The following MAGI3 variants were observed in gnomAD, a reference collection of about 807,000 sequenced individuals.
The protein encoded by MAGI3 is membrane-associated guanylate kinase, WW and PDZ domain-containing protein 3.
MAGI3 carries 43 observed loss-of-function variants against 121.8 expected under a neutral mutation model. The observed-to-expected ratio is 0.35, with a 90% confidence interval of 0.28 to 0.46. The LOEUF is 0.46. MAGI3 is among the 20% of genes least tolerant of loss of function. MAGI3 has a pLI of 1.00. For synonymous variants in MAGI3, 553 were observed against 639.3 expected, an observed-to-expected ratio of 0.86 and a Z score of 2.04; for missense variants, 1,547 against 1,797.3, an observed-to-expected ratio of 0.86 and a Z score of 2.52.
intron 15 of MAGI3, among the ~76,000 whole-genome samples, chr1:113,656,568 C>T (rs1389980420): frequency 6.6e-6 from 1 of 152,076 alleles, no homozygotes; most frequent in Non-Finnish European, 1.5e-5. Context: ...CATGTGCCAA[C>T]ACACCTGGCT....
intron 1 of MAGI3, among the ~76,000 whole-genome samples, chr1:113,425,273 ATTTTTTTTT>A (rs949045641): frequency 3.0e-4 from 26 of 86,894 alleles, no homozygotes; most frequent in South Asian, 1.1e-3. Flanking sequence ...TACAAATTCA[ATTTTTTTTT>A]TTTTTTTTTT....
At chr1:113,401,026 A>G (rs752588017) in intron 1 of MAGI3, among the ~76,000 whole-genome samples, 1 of 152,148 alleles carries the variant, frequency 6.6e-6, no homozygotes, top group Non-Finnish European at 1.5e-5. Context: ...TTTGGTTTAT[A>G]AGGATGTATA....
intron 9 of MAGI3, among the ~76,000 whole-genome samples, chr1:113,633,174 A>G (rs1262936620): frequency 7.6e-6 from 1 of 131,882 alleles, no homozygotes; most frequent in African/African-American, 2.9e-5. Flanking sequence ...TGTTCTTGTG[A>G]TATTTTACTG....
At chr1:113,672,052 G>A (rs1331776740) in intron 17 of MAGI3, among the ~76,000 whole-genome samples, 2 of 152,102 alleles carry the variant, frequency 1.3e-5, no homozygotes, top group Non-Finnish European at 2.9e-5. Context: ...TCCATCCCAG[G>A]CACAGCATAA....
intron 16 of MAGI3, among the ~76,000 whole-genome samples, chr1:113,665,588 A>G (rs920288080): frequency 1.3e-5 from 2 of 152,116 alleles, no homozygotes; most frequent in South Asian, 4.1e-4. Context: ...ATAAATATAT[A>G]TGTGTGTATG....
Position 113,566,685 on chromosome 1 carries a change from G to A in MAGI3, c.434-13857G>A, listed in dbSNP as rs1037127636. Among the ~76,000 whole-genome samples the A allele has an allele frequency of 3.3e-5, 5 of 152,186 alleles. No homozygotes were observed. In the East Asian group the frequency reaches 9.6e-4, roughly 29 times the overall value. ...TTTGCAAATACATGGAAAGTAAACA[G>A]TGTGTTCTTAAACAACCAGTGGATC... is the stretch of plus-strand genomic sequence containing the variant. On this transcript the variant is annotated intron_variant, in intron 2 of 20. Transcript: ENST00000307546.
intron 19 of MAGI3, among the ~76,000 whole-genome samples, chr1:113,676,837 C>CGAG (rs1557887750): frequency 2.6e-5 from 4 of 152,262 alleles, no homozygotes; most frequent in South Asian, 4.1e-4. Flanking sequence ...TCCGTATCTC[C>CGAG]AGCACCTGAT....
At chr1:113,528,294 CT>C (rs60603067) in intron 1 of MAGI3, among the ~76,000 whole-genome samples, 20,836 of 138,034 alleles carry the variant, frequency 0.15, 2,005 homozygotes, top group East Asian at 0.6. Flanking sequence ...CTCCCCCAAC[CT>C]TTTTTTTTTT....
At chr1:113,507,024 A>C (rs1657367202) in intron 1 of MAGI3, among the ~76,000 whole-genome samples, 1 of 150,696 alleles carries the variant, frequency 6.6e-6, no homozygotes, top group African/African-American at 2.4e-5. Context: ...TCTTGAGGCA[A>C]CCTCCTGATG....
At chr1:113,491,174 A>G (rs1363129808) in intron 1 of MAGI3, among the ~76,000 whole-genome samples, 1 of 152,218 alleles carries the variant, frequency 6.6e-6, no homozygotes, top group East Asian at 1.9e-4. Flanking sequence ...ATCATAACGA[A>G]CAATATCTTG....
At chr1:113,505,191 C>T (rs1657256747) in intron 1 of MAGI3, among the ~76,000 whole-genome samples, 1 of 151,984 alleles carries the variant, frequency 6.6e-6, no homozygotes, top group African/African-American at 2.4e-5. Flanking sequence ...AAGAGCAAGT[C>T]AAGACTCAAG....
rs1557854411 is a variant in MAGI3, at chr1:113,616,616, A to G, written c.1076+1958A>G. On this transcript the variant is annotated intron_variant, in intron 7 of 20. Transcript: ENST00000307546. ...GGATGAAGTTATTTTTTAAAATAAAATTTTTCCAAAAATGTAATATGCTTA... is the reference window on the plus strand; with the variant it reads ...GGATGAAGTTATTTTTTAAAATAAAGTTTTTCCAAAAATGTAATATGCTTA... Among the ~76,000 whole-genome samples, 6 of 152,192 alleles carry G rather than the reference A, an allele frequency of 3.9e-5. No individual in the cohort carries two copies. In the South Asian group the frequency reaches 1.2e-3, roughly 31 times the overall value.
chr1:113,538,543 T>G lies in MAGI3; in HGVS notation c.317-10972T>G, dbSNP rs185879108. Among the ~76,000 whole-genome samples, 28 of 152,066 alleles carry G rather than the reference T, an allele frequency of 1.8e-4. No homozygotes were observed. The South Asian group carries it at 2.3e-3, about 12-fold the overall frequency. Reference sequence around the variant, plus strand: ...AGGATAACACTTCTAAAATGCTGGGTTTTTTTTAAGTACTAAATGTTCATA... The same window carrying G: ...AGGATAACACTTCTAAAATGCTGGGGTTTTTTTAAGTACTAAATGTTCATA... On this transcript the variant is annotated intron_variant, in intron 1 of 20. Transcript: ENST00000307546.
chr1:113,543,622 C>A (rs569944176), intron 1 of MAGI3, among the ~76,000 whole-genome samples: 1 of 152,234 alleles, frequency 6.6e-6, no homozygotes, highest in East Asian at 1.9e-4. Flanking sequence ...CCAGCCAGCA[C>A]TTTGGGAGTC....
intron 9 of MAGI3, among the ~76,000 whole-genome samples, chr1:113,629,299 A>T (rs1474656764): frequency 1.3e-5 from 2 of 152,162 alleles, no homozygotes; most frequent in South Asian, 2.1e-4. Context: ...TGTTAAATTT[A>T]TGTGACAGGA....
chr1:113,423,028 G>C (rs2101387886), intron 1 of MAGI3, among the ~76,000 whole-genome samples: 1 of 152,250 alleles, frequency 6.6e-6, no homozygotes, highest in African/African-American at 2.4e-5. Context: ...CCACAGCTTG[G>C]TGAGCCGACC....
intron 2 of MAGI3, among the ~76,000 whole-genome samples, chr1:113,574,214 G>A (rs549475631): frequency 2.2e-4 from 34 of 152,240 alleles, no homozygotes; most frequent in African/African-American, 7.9e-4. Flanking sequence ...ATATTGTTAT[G>A]TATTAATTAT....
intron 20 of MAGI3, among the ~76,000 whole-genome samples, chr1:113,681,574 T>C (rs1402341566): frequency 1.3e-5 from 2 of 152,222 alleles, no homozygotes; most frequent in Non-Finnish European, 1.5e-5. Flanking sequence ...AAAAAACATA[T>C]AGTTGTTTTT....
rs1315971692 is a variant in MAGI3, at chr1:113,416,284, T to TTAATTATGTA, written c.316+24935_316+24936insTAATTATGTA. ...TATTAATTATGTAATTAATTACACA[T>TTAATTATGTA]ATTAATTATGTAATTAATTATGTAA... is the stretch of plus-strand genomic sequence containing the variant. On this transcript the variant is annotated intron_variant, in intron 1 of 20. Transcript: ENST00000307546. Among the ~76,000 whole-genome samples the TTAATTATGTA allele has an allele frequency of 2.7e-3, 74 of 27,854 alleles. 7 individuals carry two copies. The highest frequency in any genetic ancestry group is 0.012 in the African/African-American group (59 of 4,780). 18.3% of individuals were successfully genotyped at this position (27,854 alleles called of 152,430 possible).
Sources: gnomAD v4.1 joint callset for allele counts (sites outside exome capture counted in the v4.1 genomes callset) on GRCh38, gnomAD v4.1.1 for gene constraint, MANE v1.5 for transcripts, NCBI Gene and HGNC (gene_info 2026-07-23, HGNC 2026-07-21) for gene names.